Variants in LARP4B observed in about 807,000 individuals in gnomAD.
LARP4B encodes the protein La ribonucleoprotein 4B.
Under a neutral mutation model 89.8 loss-of-function variants are expected in LARP4B, and 12 were observed. The ratio of observed to expected loss-of-function variants is 0.13; its 90% CI spans 0.09 to 0.22. The LOEUF (loss-of-function observed/expected upper bound fraction) is 0.22, where lower values mean the gene tolerates loss of function less well. LARP4B is among the 10% of genes least tolerant of loss of function. The probability of loss-of-function intolerance (pLI) is 1.00; values close to 1 mark genes in which losing one functional copy is unlikely to be tolerated. For missense variants in LARP4B, 757 were observed against 947.7 expected, an observed-to-expected ratio of 0.80 and a Z score of 2.64; for synonymous variants, 367 against 363.3, an observed-to-expected ratio of 1.01 and a Z score of -0.12.
chr10:966,593 C>T, the LARP4B span, among the ~76,000 whole-genome samples: 1 of 152,252 alleles, frequency 6.6e-6, no homozygotes, highest in South Asian at 2.1e-4. Context: ...CAGGCAAGCA[C>T]ATTTGCAGCT....
chr10:954,455 A>T, the LARP4B span, among the ~76,000 whole-genome samples: 1 of 152,140 alleles, frequency 6.6e-6, no homozygotes, highest in African/African-American at 2.4e-5. The surrounding 1 kb of genome is among the most constrained non-coding windows in gnomAD (Gnocchi z 5.0). Flanking sequence ...CGGGGGTGTG[A>T]GGCAGAGCCA....
intron 1 of LARP4B, among the ~76,000 whole-genome samples, chr10:902,810 A>G (rs1354810705): frequency 6.6e-6 from 1 of 151,896 alleles, no homozygotes; most frequent in Non-Finnish European, 1.5e-5. Flanking sequence ...ACACTCAGCT[A>G]GTTTTTGTAT....
chr10:876,162 G>GAT (rs1835442890), intron 3 of LARP4B, among the ~76,000 whole-genome samples: 1 of 152,156 alleles, frequency 6.6e-6, no homozygotes, highest in Non-Finnish European at 1.5e-5. Flanking sequence ...AAAGCAGGCG[G>GAT]ATCACCTGAG....
At chr10:956,471 T>A in the LARP4B span, among the ~76,000 whole-genome samples, 45,162 of 151,328 alleles carry the variant, frequency 0.3, 7,221 homozygotes, top group African/African-American at 0.43. The surrounding 1 kb of genome is among the most constrained non-coding windows in gnomAD (Gnocchi z 4.3). Flanking sequence ...TCAGCCTCCC[T>A]AGTAGCTGGG....
the LARP4B span, among the ~76,000 whole-genome samples, chr10:960,938 G>C: frequency 2.0e-5 from 3 of 152,024 alleles, no homozygotes; most frequent in Non-Finnish European, 4.4e-5. Context: ...CCACAGAATC[G>C]AGGCATAGGG....
Position 886,203 on chromosome 10 carries a change from T to C in LARP4B, c.-39-443A>G, listed in dbSNP as rs945904118. Among the ~76,000 whole-genome samples the C allele has an allele frequency of 2.6e-4, 39 of 152,150 alleles. 1 individual carries two copies. The highest frequency in any genetic ancestry group is 9.2e-4 in the African/African-American group (38 of 41,494). On this transcript the variant is annotated intron_variant, in intron 1 of 17. Transcript: ENST00000316157. ...TCCCAAGACAACAGAAAAATGGCAA[T>C]AGAAATACGAAAAGGTGCTCGGCAT...
At chr10:836,529 T>A in intron 7 of LARP4B, 23 bp from the exon 8 acceptor site, 1 of 1,430,506 alleles carries the variant, frequency 7.0e-7, no homozygotes, top group East Asian at 2.3e-5. Context: ...GAAAAATCAA[T>A]GGTGAAACAA....
intron 5 of LARP4B, among the ~76,000 whole-genome samples, chr10:862,593 T>C (rs950110814): frequency 1.3e-5 from 2 of 152,056 alleles, no homozygotes; most frequent in African/African-American, 2.4e-5. Context: ...ACCCCATCTT[T>C]ACTAAAAATA....
intron 1 of LARP4B, among the ~76,000 whole-genome samples, chr10:915,575 T>C (rs1836795311): frequency 5.3e-5 from 8 of 152,258 alleles, no homozygotes; most frequent in African/African-American, 1.9e-4. Context: ...GAGGCCAAGG[T>C]GGGTGGATCA....
intron 1 of LARP4B, among the ~76,000 whole-genome samples, chr10:904,314 G>A (rs1173387875): frequency 6.6e-6 from 1 of 152,218 alleles, no homozygotes; most frequent in Non-Finnish European, 1.5e-5. Flanking sequence ...AGCACTTTGG[G>A]AGGCCAAGAA....
At position 885,779 on chromosome 10, in the gene LARP4B, A is replaced by G. The variant is rs1382876157; in HGVS notation, c.-39-19T>C. ...CAGGATGCTGTAAAATGGCAAAGACATTAAACAGGTCATTTGAAGGGCACA... is the reference window on the plus strand; with the variant it reads ...CAGGATGCTGTAAAATGGCAAAGACGTTAAACAGGTCATTTGAAGGGCACA... On this transcript the variant is annotated intron_variant, in intron 1 of 17. Transcript: ENST00000316157. The G allele has an allele frequency of 1.4e-5, 18 of 1,299,792 alleles. No homozygotes were observed. In the East Asian group the frequency reaches 4.2e-4, roughly 30 times the overall value. 80.5% of individuals were successfully genotyped at this position (1,299,792 alleles called of 1,614,324 possible).
the LARP4B span, chr10:971,274 A>T: frequency 1.3e-5 from 2 of 152,128 alleles, no homozygotes; most frequent in Middle Eastern, 3.2e-3. Context: ...TCTTAGGTGA[A>T]TTATTAGCAA....
Position 812,960 on chromosome 10 carries a change from C to G in LARP4B, c.2183G>C (p.Arg728Pro), listed in dbSNP as rs775441779. 3 of 1,565,494 alleles carry G rather than the reference C, an allele frequency of 1.9e-6. No homozygotes were observed. Among genetic ancestry groups the G allele is most frequent in the Non-Finnish European group, 2.6e-6 (3 of 1,165,088 alleles). Residue 728 changes from arginine to proline, a missense_variant, in exon 18 of 18, where the codon CGA becomes CCA. Arg to Pro is a moderately radical substitution (Grantham distance 103). This residue lies in a region of LARP4B where 387 missense variants were observed against 423.6 expected (regional missense o/e 0.91). Transcript: ENST00000316157. ...SPSAMGKRLSREQSTPPKSPQ is the reference protein window; with the variant it reads ...SPSAMGKRLSPEQSTPPKSPQ ...AGACTTGGGGGGAGTGCTCTGCTCT[C>G]GGCTGAGACGCTTCCCCATGGCCGA...
intron 1 of LARP4B, among the ~76,000 whole-genome samples, chr10:919,170 TA>T (rs1205687625): frequency 6.6e-6 from 1 of 152,196 alleles, no homozygotes; most frequent in African/African-American, 2.4e-5. Context: ...ATTAAGTTAT[TA>T]AACTATTAAG....
At chr10:840,071 A>T (rs1215484275) in intron 7 of LARP4B, among the ~76,000 whole-genome samples, 1 of 151,724 alleles carries the variant, frequency 6.6e-6, no homozygotes. Context: ...CTGCAAGCTA[A>T]TCCGTAGTGA....
At chr10:905,890 C>A (rs766786303) in intron 1 of LARP4B, among the ~76,000 whole-genome samples, 2 of 152,178 alleles carry the variant, frequency 1.3e-5, no homozygotes, top group Non-Finnish European at 2.9e-5. Context: ...ACAGACCAGC[C>A]TTTCCCTTGA....
intron 1 of LARP4B, among the ~76,000 whole-genome samples, chr10:887,088 A>C (rs1426175222): frequency 2.0e-5 from 3 of 146,676 alleles, no homozygotes; most frequent in African/African-American, 7.5e-5. Flanking sequence ...ACTCCACCTC[A>C]CTCACACACA....
intron 1 of LARP4B, among the ~76,000 whole-genome samples, chr10:923,456 G>A (rs1473457755): frequency 1.3e-5 from 2 of 151,174 alleles, no homozygotes; most frequent in Non-Finnish European, 2.9e-5. Context: ...AGGAAGAAGT[G>A]TGACTGCTCC....
intron 14 of LARP4B, chr10:819,914 A>T (rs1035548826): frequency 6.6e-6 from 1 of 152,232 alleles, no homozygotes; most frequent in Non-Finnish European, 1.5e-5. Flanking sequence ...CCTTGTATGG[A>T]ATTCCACATC....
Sources: gnomAD v4.1 joint callset for allele counts (sites outside exome capture counted in the v4.1 genomes callset) on GRCh38, gnomAD v4.1.1 for gene constraint, gnomAD v4.1.1 regional missense constraint, Gnocchi (gnomAD v3.1) non-coding constraint, MANE v1.5 for transcripts, NCBI Gene and HGNC (gene_info 2026-07-23, HGNC 2026-07-21) for gene names.